The following FOXP1 variants were observed in gnomAD, a reference collection of about 807,000 sequenced individuals.
FOXP1 encodes the protein forkhead box protein P1.
A neutral mutation model predicts 98.2 loss-of-function variants in FOXP1; 15 were observed. The ratio of observed to expected loss-of-function variants is 0.15; its 90% CI spans 0.10 to 0.24. The LOEUF is 0.24. Among genes scored for constraint, FOXP1 ranks in the 10% least tolerant of loss-of-function variants. FOXP1 has a pLI of 1.00. For synonymous variants in FOXP1, 371 were observed against 314.5 expected (o/e 1.18, Z -1.90); for missense variants, 633 against 848.5 (o/e 0.75, Z 3.15).
At chr3:71,305,320 G>A (rs1282317807) in intron 4 of FOXP1, among the ~76,000 whole-genome samples, 1 of 152,160 alleles carries the variant, frequency 6.6e-6, no homozygotes, top group Non-Finnish European at 1.5e-5. Flanking sequence ...GGGGCCAAGA[G>A]GCTGTCATTT....
At chr3:71,400,755 C>T (rs1220696433) in intron 3 of FOXP1, among the ~76,000 whole-genome samples, 2 of 152,066 alleles carry the variant, frequency 1.3e-5, no homozygotes, top group African/African-American at 4.8e-5. Context: ...TGAATTTTTT[C>T]CCCATCATTT....
At chr3:71,503,095 C>G (rs1170943046) in intron 2 of FOXP1, among the ~76,000 whole-genome samples, 1 of 151,902 alleles carries the variant, frequency 6.6e-6, no homozygotes. Flanking sequence ...GAACATATCT[C>G]TTGAGAGAAA....
rs36072859 is a variant in FOXP1, at chr3:71,419,234, C to CAAAAAAA, written c.-167-59997_-167-59991dup. Reference sequence around the variant, plus strand: ...TGGGTGACAGAGGGAGACTCCATCTCAAAAAAAAAAAAAAAAAAAAAAAAA... The same window carrying CAAAAAAA: ...TGGGTGACAGAGGGAGACTCCATCTCAAAAAAAAAAAAAAAAAAAAAAAAAAAAAAAA... On this transcript the variant is annotated intron_variant, in intron 3 of 20. Coordinates refer to ENST00000649528, the MANE Select transcript of FOXP1 (RefSeq NM_001349338.3). Among the ~76,000 whole-genome samples, 19 of 47,828 alleles carry CAAAAAAA rather than the reference C, an allele frequency of 4.0e-4. 1 individual carries two copies. The highest frequency in any genetic ancestry group is 2.0e-3 in the African/African-American group (19 of 9,426). 31.4% of individuals were successfully genotyped at this position (47,828 alleles called of 152,430 possible).
At chr3:71,028,645 G>A (rs944723070) in intron 11 of FOXP1, among the ~76,000 whole-genome samples, 7 of 152,308 alleles carry the variant, frequency 4.6e-5, no homozygotes, top group African/African-American at 1.4e-4. Context: ...CAGGAACTGG[G>A]GGGCAGGGAA....
chr3:71,054,264 C>CA (rs757259125), intron 7 of FOXP1, among the ~76,000 whole-genome samples: 9 of 152,238 alleles, frequency 5.9e-5, no homozygotes, highest in Middle Eastern at 3.2e-3. Context: ...ACCTTGGACA[C>CA]ACCTTCCGAA....
chr3:71,474,064 T>A (rs894273852), intron 3 of FOXP1, among the ~76,000 whole-genome samples: 3 of 152,070 alleles, frequency 2.0e-5, no homozygotes. Flanking sequence ...GAAAAGAAAG[T>A]AGGATAAAAA....
chr3:70,977,807 G>A, intron 15 of FOXP1, 21 bp downstream of exon 15: 2 of 1,613,112 alleles, frequency 1.2e-6, no homozygotes, highest in Non-Finnish European at 1.7e-6. Context: ...CTCTACGTGA[G>A]GCAAAAGGTG....
intron 2 of FOXP1, among the ~76,000 whole-genome samples, chr3:71,510,801 G>A (rs1022931722): frequency 6.6e-6 from 1 of 152,184 alleles, no homozygotes; most frequent in African/African-American, 2.4e-5. Context: ...CCCAATCTGG[G>A]CTCATAAACA....
chr3:71,455,468 C>G (rs1463022338), intron 3 of FOXP1, among the ~76,000 whole-genome samples: 1 of 152,128 alleles, frequency 6.6e-6, no homozygotes, highest in East Asian at 1.9e-4. Context: ...AACTTGGAAA[C>G]TAGCTCTCAA....
intron 3 of FOXP1, among the ~76,000 whole-genome samples, chr3:71,490,147 C>T (rs1434106095): frequency 6.6e-6 from 1 of 152,150 alleles, no homozygotes; most frequent in African/African-American, 2.4e-5. Context: ...AGGCCAGTCA[C>T]TGCAGCACAG....
intron 2 of FOXP1, among the ~76,000 whole-genome samples, chr3:71,554,528 G>T (rs991739666): frequency 2.0e-5 from 3 of 151,912 alleles, no homozygotes; most frequent in African/African-American, 7.3e-5. Flanking sequence ...GTTTGATTCC[G>T]TGTACTGGAT....
chr3:71,197,247 C>T (rs753834419), intron 6 of FOXP1, among the ~76,000 whole-genome samples: 4 of 152,128 alleles, frequency 2.6e-5, no homozygotes, highest in East Asian at 1.9e-4. Context: ...TTCTGAGTGG[C>T]GCCATAACTA....
chr3:71,516,176 C>A (rs1481923559), intron 2 of FOXP1, among the ~76,000 whole-genome samples: 1 of 152,052 alleles, frequency 6.6e-6, no homozygotes, highest in East Asian at 1.9e-4. Context: ...ACTGCAGTTA[C>A]GTAAAATAAC....
At chr3:70,970,068 C>T (rs985815159) in intron 19 of FOXP1, 3 of 152,300 alleles carry the variant, frequency 2.0e-5, no homozygotes, top group Non-Finnish European at 4.4e-5. Context: ...GTGGTAATCT[C>T]GCTCCTGCTC....
chr3:71,103,024 T>C (rs938495986), intron 7 of FOXP1, among the ~76,000 whole-genome samples: 2 of 152,246 alleles, frequency 1.3e-5, no homozygotes, highest in Admixed American at 1.3e-4. Flanking sequence ...TACTATTTAA[T>C]ATGATAACTA....
chr3:71,158,215 G>GA (rs1249525425), intron 6 of FOXP1, among the ~76,000 whole-genome samples: 2 of 151,026 alleles, frequency 1.3e-5, no homozygotes, highest in Non-Finnish European at 2.9e-5. Flanking sequence ...GGGAAAGAAA[G>GA]AAAAAAGAAA....
intron 6 of FOXP1, among the ~76,000 whole-genome samples, chr3:71,170,994 C>G (rs144480034): frequency 5.6e-4 from 85 of 152,184 alleles, no homozygotes; most frequent in African/African-American, 1.5e-3. Context: ...ACCAGGAAGG[C>G]GGGCATGATT....
chr3:71,103,200 G>C (rs933004241), intron 7 of FOXP1, among the ~76,000 whole-genome samples: 7 of 152,148 alleles, frequency 4.6e-5, no homozygotes, highest in African/African-American at 1.7e-4. Context: ...ATGAATGCAT[G>C]CATGTATGAA....
chr3:71,018,285 A>ACT (rs1172835181), intron 11 of FOXP1, among the ~76,000 whole-genome samples: 1 of 152,220 alleles, frequency 6.6e-6, no homozygotes, highest in East Asian at 1.9e-4. Flanking sequence ...ATAACGACAC[A>ACT]CTAGGGCCTT....
Sources: gnomAD v4.1 joint callset for allele counts (sites outside exome capture counted in the v4.1 genomes callset) on GRCh38, gnomAD v4.1.1 for gene constraint, MANE v1.5 for transcripts, NCBI Gene and HGNC (gene_info 2026-07-23, HGNC 2026-07-21) for gene names.